Variants in ENTREP2 observed in about 807,000 individuals in gnomAD.
ENTREP2 encodes the protein endosomal transmembrane epsin interactor 2.
At chr15:29,638,694 T>C in the ENTREP2 span, among the ~76,000 whole-genome samples, 10 of 152,188 alleles carry the variant, frequency 6.6e-5, no homozygotes, top group South Asian at 4.1e-4. Flanking sequence ...CTAGGTAACA[T>C]AGCAAGACCC....
chr15:29,586,730 C>G, the ENTREP2 span, among the ~76,000 whole-genome samples: 2 of 142,868 alleles, frequency 1.4e-5, no homozygotes, highest in Non-Finnish European at 3.0e-5. Context: ...GCCTGGGCAA[C>G]AGAGCAAGAT....
At chr15:29,251,961 C>T in the ENTREP2 span, among the ~76,000 whole-genome samples, 111 of 152,178 alleles carry the variant, frequency 7.3e-4, no homozygotes, top group African/African-American at 2.5e-3. Flanking sequence ...TTGATATATT[C>T]GTCATCCAGC....
chr15:29,640,561 A>C, the ENTREP2 span, among the ~76,000 whole-genome samples: 1 of 152,024 alleles, frequency 6.6e-6, no homozygotes, highest in Admixed American at 6.6e-5. Context: ...ACTCTGGGAG[A>C]TGGAGGTGGA....
At chr15:29,234,084 G>A in the ENTREP2 span, 43 of 1,494,196 alleles carry the variant, frequency 2.9e-5, no homozygotes, top group East Asian at 3.4e-4. Flanking sequence ...TCTTCGAACC[G>A]TCTTGATAAC....
chr15:29,258,823 G>A, the ENTREP2 span, among the ~76,000 whole-genome samples: 17 of 152,134 alleles, frequency 1.1e-4, no homozygotes, highest in South Asian at 2.1e-4. Flanking sequence ...TGTTACATAC[G>A]GGAAATCATA....
the ENTREP2 span, among the ~76,000 whole-genome samples, chr15:29,446,546 G>C: frequency 6.6e-6 from 1 of 152,208 alleles, no homozygotes; most frequent in Admixed American, 6.5e-5. Flanking sequence ...AAAGGAGGAG[G>C]AGCCTCGGTC....
At chr15:29,522,468 G>C in the ENTREP2 span, among the ~76,000 whole-genome samples, 1 of 152,178 alleles carries the variant, frequency 6.6e-6, no homozygotes, top group Non-Finnish European at 1.5e-5. Flanking sequence ...AAAACTGGCA[G>C]AAAGTGTCAG....
At chr15:29,482,164 A>ATTTTTTTTTT in the ENTREP2 span, among the ~76,000 whole-genome samples, 1 of 135,258 alleles carries the variant, frequency 7.4e-6, no homozygotes, top group African/African-American at 2.8e-5. Flanking sequence ...CAGGCAGCTA[A>ATTTTTTTTTT]TTTTTTTTTT....
At chr15:29,496,811 C>A in the ENTREP2 span, among the ~76,000 whole-genome samples, 1 of 152,118 alleles carries the variant, frequency 6.6e-6, no homozygotes, top group Non-Finnish European at 1.5e-5. Context: ...TAGTATTGTG[C>A]TAAAGATTTC....
chr15:29,624,144 G>A, the ENTREP2 span, among the ~76,000 whole-genome samples: 1 of 152,154 alleles, frequency 6.6e-6, no homozygotes. Flanking sequence ...GTTTATCCAC[G>A]TTTTCGTGCA....
the ENTREP2 span, among the ~76,000 whole-genome samples, chr15:29,419,633 G>T: frequency 6.6e-6 from 1 of 152,128 alleles, no homozygotes; most frequent in Non-Finnish European, 1.5e-5. Flanking sequence ...AGCTAAGCTG[G>T]CCATTTACAC....
the ENTREP2 span, among the ~76,000 whole-genome samples, chr15:29,241,287 G>C: frequency 6.6e-6 from 1 of 152,150 alleles, no homozygotes; most frequent in Admixed American, 6.5e-5. Flanking sequence ...CAGCCCCCTA[G>C]ATATACAGCA....
At chr15:29,670,980 A>G in the ENTREP2 span, among the ~76,000 whole-genome samples, 353 of 152,330 alleles carry the variant, frequency 2.3e-3, 2 homozygotes, top group African/African-American at 8.2e-3. Context: ...AGAAAGACCA[A>G]GGCAGGATTA....
At chr15:29,648,497 A>G in the ENTREP2 span, among the ~76,000 whole-genome samples, 5 of 152,208 alleles carry the variant, frequency 3.3e-5, no homozygotes, top group South Asian at 4.1e-4. Flanking sequence ...CACCACCTGA[A>G]GAAGAGCCCC....
the ENTREP2 span, among the ~76,000 whole-genome samples, chr15:29,216,977 GCTCGATTTAA>G: frequency 6.6e-6 from 1 of 152,286 alleles, no homozygotes; most frequent in South Asian, 2.1e-4. Flanking sequence ...CAAAGAAGGG[GCTCGATTTAA>G]CTTTTATATC....
chr15:29,215,377 G>GA, the ENTREP2 span, among the ~76,000 whole-genome samples: 1 of 151,992 alleles, frequency 6.6e-6, no homozygotes, highest in East Asian at 1.9e-4. Flanking sequence ...TAAGCAGGCA[G>GA]AAAAATGTGA....
At chr15:29,147,733 C>T in the ENTREP2 span, among the ~76,000 whole-genome samples, 1 of 152,340 alleles carries the variant, frequency 6.6e-6, no homozygotes, top group East Asian at 1.9e-4. Flanking sequence ...CTTTGGAAAA[C>T]AATCTTGCAG....
the ENTREP2 span, among the ~76,000 whole-genome samples, chr15:29,124,087 C>CG: frequency 8.7e-6 from 1 of 114,890 alleles, no homozygotes; most frequent in African/African-American, 4.2e-5. Flanking sequence ...CATGAGACCG[C>CG]CCCCCCCATC....
the ENTREP2 span, among the ~76,000 whole-genome samples, chr15:29,306,664 A>ATTTTTTTTTTTTTTTTTT: frequency 2.6e-4 from 20 of 77,338 alleles, 2 homozygotes; most frequent in Admixed American, 6.2e-4. Flanking sequence ...ATAATTGGTA[A>ATTTTTTTTTTTTTTTTTT]TTTTTTTTTT....
Sources: allele counts gnomAD v4.1 joint callset (sites outside exome capture counted in the v4.1 genomes callset), GRCh38; gene constraint gnomAD v4.1.1; transcripts MANE v1.5; gene names NCBI Gene and HGNC (gene_info 2026-07-23, HGNC 2026-07-21).